Variants in IPO11 observed in about 807,000 individuals in gnomAD.
IPO11 encodes importin 11.
A neutral mutation model predicts 143.2 loss-of-function variants in IPO11; 66 were observed. That is an observed-to-expected ratio of 0.46 (90% CI 0.38 to 0.57). IPO11 has a LOEUF of 0.57. Ranked by LOEUF, IPO11 falls within the 20% of genes least tolerant of loss-of-function variation. The pLI is 0.00. For synonymous variants in IPO11, 385 were observed against 377.8 expected, an observed-to-expected ratio of 1.02 and a Z score of -0.22; for missense variants, 1,026 against 1,141.0, an observed-to-expected ratio of 0.90 and a Z score of 1.45.
chr5:62,554,461 G>T (rs1421564887), intron 26 of IPO11, among the ~76,000 whole-genome samples: 1 of 152,056 alleles, frequency 6.6e-6, no homozygotes, highest in African/African-American at 2.4e-5. Context: ...TGTATATCAC[G>T]AGAGGTAGGG....
At chr5:62,448,615 A>G (rs375517964) in intron 3 of IPO11, among the ~76,000 whole-genome samples, 3 of 152,294 alleles carry the variant, frequency 2.0e-5, no homozygotes, top group East Asian at 3.9e-4. Context: ...CAGTGGCACA[A>G]TCATAACTCA....
chr5:62,503,013 T>C, intron 16 of IPO11, among the ~76,000 whole-genome samples: 1 of 151,872 alleles, frequency 6.6e-6, no homozygotes, highest in Non-Finnish European at 1.5e-5. Context: ...TTAGTAGAGA[T>C]GGGGTTTCAC....
chr5:62,578,600 T>C, intron 27 of IPO11: 1 of 417,318 alleles, frequency 2.4e-6, no homozygotes, highest in South Asian at 1.9e-5. Flanking sequence ...TATTTCAATG[T>C]GTATATTAGG....
At chr5:62,473,860 C>T (rs1452203926) in intron 7 of IPO11, among the ~76,000 whole-genome samples, 1 of 151,960 alleles carries the variant, frequency 6.6e-6, no homozygotes, top group South Asian at 2.1e-4. Flanking sequence ...TATGTTGATG[C>T]CTATCTAATA....
At chr5:62,420,215 C>T (rs796516496) in intron 1 of IPO11, among the ~76,000 whole-genome samples, 4 of 150,478 alleles carry the variant, frequency 2.7e-5, no homozygotes, top group African/African-American at 7.3e-5. Flanking sequence ...TGCTTGAACC[C>T]GGGCGATGGA....
chr5:62,510,874 G>A (rs561756925), intron 19 of IPO11, among the ~76,000 whole-genome samples: 4 of 151,904 alleles, frequency 2.6e-5, no homozygotes, highest in East Asian at 1.9e-4. Flanking sequence ...CTGGGATTAC[G>A]GGTGCACGCC....
chr5:62,488,202 G>C (rs1196708741), intron 13 of IPO11, among the ~76,000 whole-genome samples: 1 of 152,124 alleles, frequency 6.6e-6, no homozygotes, highest in Non-Finnish European at 1.5e-5. Context: ...TGGTGGCAGT[G>C]GGAATGGAAA....
intron 3 of IPO11, 53 bp downstream of exon 3, chr5:62,443,136 G>GA: frequency 8.9e-7 from 1 of 1,127,702 alleles, no homozygotes. Context: ...CCAAATTCAG[G>GA]AAGGTGTAAG....
chr5:62,442,893 C>CAAAACAAAACAAAACAAAAA, intron 2 of IPO11, 90 bp from the exon 3 acceptor site: 1 of 733,896 alleles, frequency 1.4e-6, no homozygotes, highest in South Asian at 2.2e-5. Flanking sequence ...CAAAACAAAA[C>CAAAACAAAACAAAACAAAAA]AAAGATCTGT....
chr5:62,424,306 AT>A (rs1365529422), intron 1 of IPO11, among the ~76,000 whole-genome samples: 3 of 151,662 alleles, frequency 2.0e-5, no homozygotes, highest in Non-Finnish European at 4.4e-5. Context: ...CGCCCGGCTA[AT>A]TTTTTGTATT....
intron 1 of IPO11, among the ~76,000 whole-genome samples, chr5:62,430,124 T>C (rs1405086704): frequency 1.3e-5 from 2 of 152,234 alleles, no homozygotes; most frequent in African/African-American, 2.4e-5. Flanking sequence ...TTGGCTATTA[T>C]GAATAATGTT....
chr5:62,607,206 T>TTTTGGATCTAGAAGCTTTC (rs1234636192), intron 29 of IPO11, among the ~76,000 whole-genome samples: 1 of 152,234 alleles, frequency 6.6e-6, no homozygotes, highest in Non-Finnish European at 1.5e-5. Flanking sequence ...TTTGTCTAAC[T>TTTTGGATCTAGAAGCTTTC]TTTGGATCTA....
Position 62,443,099 on chromosome 5 carries a change from T to G in IPO11, c.239+16T>G. 2 of 1,483,430 alleles carry G rather than the reference T, an allele frequency of 1.3e-6. No homozygotes were observed. Among genetic ancestry groups the G allele is most frequent in the Non-Finnish European group, 1.9e-6 (2 of 1,069,436 alleles). 91.9% of individuals were successfully genotyped at this position (1,483,430 alleles called of 1,614,324 possible). A position where few individuals can be genotyped will look rare whatever the true frequency, so the allele number is the denominator to read the frequency against. On this transcript the variant is annotated intron_variant, in intron 3 of 29. Transcript: ENST00000325324. ...TAGCACCTCAGTAAGTTCCATCACT[T>G]CCCCTATTCCTTGAGTATAATCCTT...
chr5:62,435,243 A>G (rs1744177880), intron 1 of IPO11, among the ~76,000 whole-genome samples: 1 of 143,554 alleles, frequency 7.0e-6, no homozygotes, highest in Non-Finnish European at 1.5e-5. Context: ...CAGCTGTAGT[A>G]AAATATATAT....
At chr5:62,589,215 C>T (rs1267976867) in intron 27 of IPO11, among the ~76,000 whole-genome samples, 1 of 152,168 alleles carries the variant, frequency 6.6e-6, no homozygotes. Context: ...ACCCTGCACT[C>T]CCTCTAGTTA....
chr5:62,472,455 CA>C (rs1205018497), intron 7 of IPO11, among the ~76,000 whole-genome samples: 7 of 150,914 alleles, frequency 4.6e-5, no homozygotes, highest in African/African-American at 1.7e-4. Context: ...CTTATTGTAG[CA>C]ATTAAGTACA....
chr5:62,598,524 T>C (rs1428149350), intron 28 of IPO11, among the ~76,000 whole-genome samples: 2 of 11,824 alleles, frequency 1.7e-4, no homozygotes, highest in African/African-American at 2.1e-3. Context: ...CTTTCTTTCT[T>C]TCTTTTCTTT....
At chr5:62,552,102 C>T (rs766566864) in intron 26 of IPO11, among the ~76,000 whole-genome samples, 1 of 151,122 alleles carries the variant, frequency 6.6e-6, no homozygotes, top group Non-Finnish European at 1.5e-5. Context: ...CCAGCCTGGG[C>T]GACAGAGAGA....
At chr5:62,460,506 CT>C (rs1442759061) in intron 5 of IPO11, among the ~76,000 whole-genome samples, 1 of 152,098 alleles carries the variant, frequency 6.6e-6, no homozygotes, top group Non-Finnish European at 1.5e-5. Context: ...TGATGTAAAA[CT>C]TTTTTGGTGC....
Sources: gnomAD v4.1 joint callset for allele counts (sites outside exome capture counted in the v4.1 genomes callset) on GRCh38, gnomAD v4.1.1 for gene constraint, MANE v1.5 for transcripts, NCBI Gene and HGNC (gene_info 2026-07-23, HGNC 2026-07-21) for gene names.